BNC2: variants seen among roughly 807,000 people sequenced by gnomAD.
The protein encoded by BNC2 is zinc finger protein basonuclin-2.
BNC2 carries 20 observed loss-of-function variants against 76.3 expected under a neutral mutation model. The ratio of observed to expected loss-of-function variants is 0.26; its 90% CI spans 0.18 to 0.38. The LOEUF (loss-of-function observed/expected upper bound fraction) is 0.38. Among genes scored for constraint, BNC2 ranks in the 10% least tolerant of loss-of-function variants. BNC2 has a pLI of 1.00. For missense variants in BNC2, 1,382 were observed against 1,399.8 expected (o/e 0.99, Z 0.20); for synonymous variants, 582 against 514.8 (o/e 1.13, Z -1.77).
chr9:16,498,148 T>C (rs997946815), intron 5 of BNC2, among the ~76,000 whole-genome samples: 40 of 146,816 alleles, frequency 2.7e-4, no homozygotes, highest in Non-Finnish European at 3.6e-4. Flanking sequence ...TTCTATCATA[T>C]ATATTCCATC....
intron 5 of BNC2, among the ~76,000 whole-genome samples, chr9:16,502,147 G>C (rs1397792706): frequency 1.3e-5 from 2 of 152,246 alleles, no homozygotes; most frequent in East Asian, 3.9e-4. Context: ...AGGATAACTT[G>C]AGGGTAGGAG....
Position 16,418,111 on chromosome 9 carries a change from A to T in BNC2, c.*878T>A, listed in dbSNP as rs1182959425. The T allele has an allele frequency of 6.5e-6, 1 of 152,682 alleles. No individual in the cohort carries two copies. The highest frequency in any genetic ancestry group is 2.4e-5 in the African/African-American group (1 of 41,462). 9.5% of individuals were successfully genotyped at this position (152,682 alleles called of 1,614,324 possible). On this transcript the variant is annotated 3_prime_UTR_variant, in exon 7 of 7. Coordinates refer to ENST00000380672, the MANE Select transcript of BNC2 (RefSeq NM_017637.6). ...AAGACACTTACTGAAGTATGGCAAT[A>T]GTTTAAGGATAAAAAAGAAGCATGG...
At chr9:16,552,121 A>T (rs1818680811) in intron 5 of BNC2, among the ~76,000 whole-genome samples, 1 of 152,144 alleles carries the variant, frequency 6.6e-6, no homozygotes, top group East Asian at 1.9e-4. Context: ...AAAACACCGT[A>T]CCTGCAAACT....
chr9:16,708,403 T>C (rs763178168), intron 3 of BNC2, among the ~76,000 whole-genome samples: 4 of 152,220 alleles, frequency 2.6e-5, no homozygotes, highest in Non-Finnish European at 4.4e-5. Context: ...TAATTTATTC[T>C]GCTCTGCAGG....
At chr9:16,848,056 C>T (rs1453818371) in intron 1 of BNC2, among the ~76,000 whole-genome samples, 2 of 152,116 alleles carry the variant, frequency 1.3e-5, no homozygotes, top group Non-Finnish European at 2.9e-5. Context: ...GAAAACACAA[C>T]AAAATTCAAA....
intron 5 of BNC2, among the ~76,000 whole-genome samples, chr9:16,525,982 G>C (rs1030496843): frequency 1.3e-5 from 2 of 151,710 alleles, no homozygotes; most frequent in Admixed American, 1.3e-4. Flanking sequence ...TTGAACTTAT[G>C]ACTAAATACT....
At chr9:16,493,438 T>A (rs1822319612) in intron 5 of BNC2, among the ~76,000 whole-genome samples, 1 of 152,198 alleles carries the variant, frequency 6.6e-6, no homozygotes, top group Non-Finnish European at 1.5e-5. Flanking sequence ...AACAACTCAT[T>A]CATTCAGAGC....
intron 1 of BNC2, among the ~76,000 whole-genome samples, chr9:16,866,001 A>G (rs1819535243): frequency 6.6e-6 from 1 of 152,184 alleles, no homozygotes. Flanking sequence ...GCTACTGTGC[A>G]AAAGATTTTA....
chr9:16,573,864 C>A (rs1819406084), intron 4 of BNC2, among the ~76,000 whole-genome samples: 1 of 152,134 alleles, frequency 6.6e-6, no homozygotes, highest in African/African-American at 2.4e-5. Context: ...TAAACATCTA[C>A]AAAGGCAAAA....
chr9:16,574,234 T>C (rs1328146963), intron 4 of BNC2, among the ~76,000 whole-genome samples: 2 of 152,166 alleles, frequency 1.3e-5, no homozygotes, highest in Non-Finnish European at 2.9e-5. Flanking sequence ...GTAGGATCGT[T>C]AGCAAGATAT....
intron 5 of BNC2, among the ~76,000 whole-genome samples, chr9:16,501,161 C>T (rs1228741986): frequency 1.3e-5 from 2 of 152,152 alleles, no homozygotes; most frequent in Non-Finnish European, 2.9e-5. Flanking sequence ...ATAAGTAACG[C>T]ACTTAAAATT....
chr9:16,468,717 C>T (rs892585101), intron 5 of BNC2, among the ~76,000 whole-genome samples: 7 of 152,016 alleles, frequency 4.6e-5, no homozygotes, highest in Non-Finnish European at 1.0e-4. Context: ...AATAATTTCC[C>T]CAACAACCAC....
intron 5 of BNC2, among the ~76,000 whole-genome samples, chr9:16,544,818 A>G (rs118065726): frequency 0.079 from 12,065 of 152,028 alleles, 635 homozygotes; most frequent in African/African-American, 0.15. Flanking sequence ...TCAAAAAAAA[A>G]AAAAAAAGAA....
intron 6 of BNC2, among the ~76,000 whole-genome samples, chr9:16,431,148 A>G (rs536644361): frequency 2.2e-4 from 34 of 152,346 alleles, no homozygotes; most frequent in Admixed American, 6.5e-4. Flanking sequence ...TCTGAGTACA[A>G]AGTCTTCATT....
At chr9:16,622,474 C>T (rs916198074) in intron 3 of BNC2, among the ~76,000 whole-genome samples, 1 of 152,138 alleles carries the variant, frequency 6.6e-6, no homozygotes, top group Admixed American at 6.6e-5. Context: ...AATCGAGTTG[C>T]TTGTTTTGTG....
chr9:16,765,931 C>A (rs1000043475), intron 1 of BNC2, among the ~76,000 whole-genome samples: 6 of 152,010 alleles, frequency 3.9e-5, no homozygotes, highest in African/African-American at 1.4e-4. Context: ...GGACTACAGG[C>A]GCTCGCCACC....
rs549316798 is a variant in BNC2 at position 16,429,024 on chromosome 9, T to A, written c.2639+6531A>T. ...TATCTTGGCACTCAAGAATCAAAGT[T>A]ACCAAATCCCTCTTTTATGACATTG... On this transcript the variant is annotated intron_variant, in intron 6 of 6. Coordinates refer to ENST00000380672, the MANE Select transcript of BNC2 (RefSeq NM_017637.6). Among the ~76,000 whole-genome samples, 648 of 152,328 alleles carry A rather than the reference T, an allele frequency of 4.3e-3. 10 individuals carry two copies. The highest frequency in any genetic ancestry group is 0.015 in the African/African-American group (609 of 41,578).
chr9:16,660,515 T>C (rs1489039716), intron 3 of BNC2, among the ~76,000 whole-genome samples: 2 of 151,988 alleles, frequency 1.3e-5, no homozygotes, highest in African/African-American at 4.8e-5. Context: ...GTGCACCTCC[T>C]ACTCTTTAGC....
At chr9:16,566,428 C>T (rs1418318881) in intron 4 of BNC2, among the ~76,000 whole-genome samples, 1 of 152,158 alleles carries the variant, frequency 6.6e-6, no homozygotes, top group Non-Finnish European at 1.5e-5. Context: ...CACCCCCTCA[C>T]AGAATAAGTG....
Sources: allele counts gnomAD v4.1 joint callset (sites outside exome capture counted in the v4.1 genomes callset), GRCh38; gene constraint gnomAD v4.1.1; transcripts MANE v1.5; gene names NCBI Gene and HGNC (gene_info 2026-07-23, HGNC 2026-07-21).